ELAVL4: variants seen among roughly 807,000 people sequenced by gnomAD.
ELAVL4 encodes the protein ELAV-like protein 4.
ELAVL4 carries 1 observed loss-of-function variant against 35.6 expected under a neutral mutation model. That is an observed-to-expected ratio of 0.03 (90% CI 0.01 to 0.13). ELAVL4 has a LOEUF of 0.13. ELAVL4 is among the 10% of genes least tolerant of loss of function. The pLI is 1.00. For missense variants in ELAVL4, 267 were observed against 464.9 expected (o/e 0.57, Z 3.91); for synonymous variants, 156 against 171.0 (o/e 0.91, Z 0.69).
chr1:50,152,751 T>C (rs1675015221), intron 2 of ELAVL4, among the ~76,000 whole-genome samples: 3 of 152,200 alleles, frequency 2.0e-5, no homozygotes, highest in Admixed American at 2.0e-4. Flanking sequence ...CTAAAGATCA[T>C]TAAGTTGCTT....
At position 50,108,957 on chromosome 1, in the gene ELAVL4, T is replaced by C; in HGVS notation, c.-233T>C. The C allele has an allele frequency of 8.1e-7, 1 of 1,231,270 alleles. No individual in the cohort carries two copies. The highest frequency in any genetic ancestry group is 1.0e-6 in the Non-Finnish European group (1 of 986,102). The allele number at this position is 1,231,270 out of a possible 1,614,324, so 76.3% of individuals were successfully genotyped here. A position where few individuals can be genotyped will look rare whatever the true frequency, so the allele number is the denominator to read the frequency against. On this transcript the variant is annotated 5_prime_UTR_variant, in exon 1 of 7. Coordinates refer to ENST00000371824, the MANE Select transcript of ELAVL4 (RefSeq NM_001144774.3). ...GCAAGGCTCTGTTCAGTTGTTCTTATCTACATCCTAGAATCGGGGGTTTCA... is the reference window on the plus strand; with the variant it reads ...GCAAGGCTCTGTTCAGTTGTTCTTACCTACATCCTAGAATCGGGGGTTTCA...
chr1:50,063,998 G>A lies in ELAVL4; in HGVS notation c.18+15816G>A, dbSNP rs191232782. ...AGGAATTATCTAGGGGAAGAGGGAA[G>A]GCAGGATTGAGTATGGTACATAGAA... is the stretch of plus-strand genomic sequence containing the variant. On this transcript the variant is annotated intron_variant, in intron 1 of 6. Coordinates refer to the ELAVL4 transcript ENST00000448907. Among the ~76,000 whole-genome samples the A allele has an allele frequency of 2.0e-3, 298 of 152,294 alleles. 2 individuals are homozygous for A. Among genetic ancestry groups the A allele is most frequent in the African/African-American group, 6.8e-3 (284 of 41,556 alleles).
chr1:50,159,953 G>A (rs1223448904), intron 2 of ELAVL4, among the ~76,000 whole-genome samples: 2 of 152,108 alleles, frequency 1.3e-5, no homozygotes, highest in Non-Finnish European at 2.9e-5. Flanking sequence ...AGAAAATGAT[G>A]CCATATGGAT....
At chr1:50,175,569 T>C (rs1484909291) in intron 2 of ELAVL4, 1 of 152,212 alleles carries the variant, frequency 6.6e-6, no homozygotes, top group African/African-American at 2.4e-5. Context: ...CTGTCTTTCT[T>C]CTTCTCACCC....
At chr1:50,057,916 G>T (rs569663150) in intron 1 of ELAVL4, among the ~76,000 whole-genome samples, 1 of 152,180 alleles carries the variant, frequency 6.6e-6, no homozygotes, top group Non-Finnish European at 1.5e-5. Flanking sequence ...CTTGTGAGTT[G>T]AAATAATATT....
intron 1 of ELAVL4, among the ~76,000 whole-genome samples, chr1:50,137,665 T>C (rs1672112036): frequency 6.6e-6 from 1 of 152,210 alleles, no homozygotes; most frequent in Non-Finnish European, 1.5e-5. Context: ...GACATGCTGC[T>C]GTCTCTTCTC....
At chr1:50,070,208 T>A (rs1316320207) in intron 1 of ELAVL4, among the ~76,000 whole-genome samples, 2 of 152,198 alleles carry the variant, frequency 1.3e-5, no homozygotes, top group Non-Finnish European at 2.9e-5. Context: ...GGATAGCAGT[T>A]CTTGGGACAG....
chr1:50,062,552 A>G (rs997304972), intron 1 of ELAVL4, among the ~76,000 whole-genome samples: 1 of 152,112 alleles, frequency 6.6e-6, no homozygotes, highest in African/African-American at 2.4e-5. Context: ...GTGCTACTTC[A>G]TGCCTGCCTT....
chr1:50,120,060 A>AATATATAT lies in ELAVL4; in HGVS notation c.9+10874_9+10881dup, dbSNP rs112021692. 2.9e-4 allele frequency among the ~76,000 whole-genome samples: 43 copies of AATATATAT among 147,188 alleles called. 1 individual carries two copies. The South Asian group carries it at 8.0e-3, about 28-fold the overall frequency. ...CAAATTTTTCGTTGGAGAATCAACA[A>AATATATAT]ATATATATATATATATATAGCATGT... On this transcript the variant is annotated intron_variant, in intron 1 of 6. Coordinates refer to ENST00000371824, the MANE Select transcript of ELAVL4 (RefSeq NM_001144774.3).
At chr1:50,104,086 A>G, upstream of ELAVL4, 8 of 1,466,578 alleles carry the variant, frequency 5.5e-6, no homozygotes, top group Admixed American at 1.7e-5. Context: ...CCTTAGGGTA[A>G]CAAGACTATG....
intron 1 of ELAVL4, among the ~76,000 whole-genome samples, chr1:50,074,595 G>T (rs908697614): frequency 7.9e-5 from 12 of 152,188 alleles, no homozygotes; most frequent in African/African-American, 2.7e-4. Context: ...TCACAGAAAA[G>T]ATAAAGTGCA....
chr1:50,112,480 A>G (rs1667235779), intron 1 of ELAVL4, among the ~76,000 whole-genome samples: 1 of 152,146 alleles, frequency 6.6e-6, no homozygotes, highest in Non-Finnish European at 1.5e-5. Flanking sequence ...CTGAATGTGC[A>G]TTTATTAAGA....
At chr1:50,173,242 A>G (rs1346950916) in intron 2 of ELAVL4, among the ~76,000 whole-genome samples, 1 of 152,240 alleles carries the variant, frequency 6.6e-6, no homozygotes, top group East Asian at 1.9e-4. Flanking sequence ...CAGAATAAAG[A>G]TGTTGCCATG....
intron 1 of ELAVL4, among the ~76,000 whole-genome samples, chr1:50,055,186 A>G (rs975825493): frequency 6.6e-6 from 1 of 152,238 alleles, no homozygotes; most frequent in African/African-American, 2.4e-5. Flanking sequence ...AAGTTGGATG[A>G]CTTGCCCAAT....
intron 1 of ELAVL4, among the ~76,000 whole-genome samples, chr1:50,071,619 T>C (rs1003199650): frequency 6.6e-6 from 1 of 152,134 alleles, no homozygotes; most frequent in Admixed American, 6.5e-5. Flanking sequence ...GAGAAGCAGC[T>C]AAGGTAAGAT....
intron 1 of ELAVL4, among the ~76,000 whole-genome samples, chr1:50,114,463 A>G (rs1443977743): frequency 6.6e-6 from 1 of 152,058 alleles, no homozygotes; most frequent in African/African-American, 2.4e-5. Flanking sequence ...AAGGGTAAAA[A>G]AAAAAGAAAA....
intron 1 of ELAVL4, among the ~76,000 whole-genome samples, chr1:50,094,742 C>CAATAAATAAATAAATAAATA (rs60522222): frequency 1.4e-4 from 19 of 135,522 alleles, no homozygotes; most frequent in Admixed American, 7.5e-4. Flanking sequence ...CCTGTCTCTA[C>CAATAAATAAATAAATAAATA]AATAAATAAA....
intron 2 of ELAVL4, among the ~76,000 whole-genome samples, chr1:50,157,136 GA>G (rs1374188165): frequency 6.6e-6 from 1 of 152,122 alleles, no homozygotes. Context: ...TAATTTCTGA[GA>G]TTTTTTTTAA....
In ELAVL4 at chr1:50,109,008, CTT is replaced by C; in HGVS notation, c.-180_-179del. 1 of 1,016,394 alleles carries C rather than the reference CTT, an allele frequency of 9.8e-7. No homozygotes were observed. The highest frequency in any genetic ancestry group is 1.2e-6 in the Non-Finnish European group (1 of 848,920). The allele number at this position is 1,016,394 out of a possible 1,614,324, so 63.0% of individuals were successfully genotyped here. On this transcript the variant is annotated 5_prime_UTR_variant, in exon 1 of 7. Coordinates refer to ENST00000371824, the MANE Select transcript of ELAVL4 (RefSeq NM_001144774.3). Reference sequence around the variant, plus strand: ...GCTCACTGCTCCTTTTCTTTTTTTTCTTTCTCTCCCCCGCCCACCCCCCCAAA... The same window carrying C: ...GCTCACTGCTCCTTTTCTTTTTTTTCTCTCTCCCCCGCCCACCCCCCCAAA...
Sources: allele counts gnomAD v4.1 joint callset (sites outside exome capture counted in the v4.1 genomes callset), GRCh38; gene constraint gnomAD v4.1.1; transcripts MANE v1.5; gene names NCBI Gene and HGNC (gene_info 2026-07-23, HGNC 2026-07-21).